The following ASIC2 variants were observed in gnomAD, a reference collection of about 807,000 sequenced individuals.
ASIC2 encodes acid-sensing ion channel 2.
In ASIC2, 25 loss-of-function variants were observed where a neutral mutation model predicts 57.3. That is an observed-to-expected ratio of 0.44 (90% CI 0.32 to 0.61). ASIC2 has a LOEUF of 0.61. Among genes scored for constraint, ASIC2 ranks in the 20% least tolerant of loss-of-function variants. The pLI, the probability that ASIC2 is intolerant of heterozygous loss-of-function variation, is 0.06. For synonymous variants in ASIC2, 319 were observed against 307.5 expected, an observed-to-expected ratio of 1.04 and a Z score of -0.39; for missense variants, 641 against 738.1, an observed-to-expected ratio of 0.87 and a Z score of 1.52.
At chr17:33,301,032 T>C (rs1905937175) in intron 1 of ASIC2, among the ~76,000 whole-genome samples, 1 of 90,516 alleles carries the variant, frequency 1.1e-5, no homozygotes, top group Admixed American at 1.1e-4. Context: ...ATTTATTTAT[T>C]TATTTTAGAA....
chr17:34,108,119 G>A (rs988446100), intron 1 of ASIC2, among the ~76,000 whole-genome samples: 5 of 151,474 alleles, frequency 3.3e-5, no homozygotes, highest in Admixed American at 6.6e-5. Context: ...AAATCATTTT[G>A]TATCAGTTCA....
At chr17:34,103,741 T>C (rs1217700861) in intron 1 of ASIC2, among the ~76,000 whole-genome samples, 2 of 152,318 alleles carry the variant, frequency 1.3e-5, no homozygotes, top group Non-Finnish European at 2.9e-5. Flanking sequence ...GACTTGCTGT[T>C]TTTGTCAAAA....
intron 2 of ASIC2, 133 bp downstream of exon 2, chr17:33,111,784 T>C: frequency 1.5e-6 from 2 of 1,296,754 alleles, no homozygotes; most frequent in Non-Finnish European, 2.1e-6. Flanking sequence ...CTTTATGATC[T>C]AGCAGCATGT....
intron 1 of ASIC2, among the ~76,000 whole-genome samples, chr17:34,023,993 T>G (rs1192608816): frequency 2.0e-5 from 3 of 152,214 alleles, no homozygotes; most frequent in Non-Finnish European, 4.4e-5. Flanking sequence ...ACTACTCTCA[T>G]TCCACAGATA....
intron 1 of ASIC2, chr17:33,291,178 G>A: frequency 2.3e-6 from 2 of 870,948 alleles, no homozygotes; most frequent in Non-Finnish European, 3.3e-6. Flanking sequence ...GAGGGGCTGG[G>A]ACAGGGGAGC....
chr17:33,730,880 C>T (rs2142090634), intron 1 of ASIC2, among the ~76,000 whole-genome samples: 1 of 152,302 alleles, frequency 6.6e-6, no homozygotes, highest in Admixed American at 6.5e-5. Flanking sequence ...CCCCCTGTTT[C>T]CTTTCAGAGA....
chr17:33,957,691 A>T (rs1189791098), intron 1 of ASIC2, among the ~76,000 whole-genome samples: 1 of 152,126 alleles, frequency 6.6e-6, no homozygotes, highest in East Asian at 1.9e-4. Flanking sequence ...GGGAGCTACA[A>T]TTCAAGATGA....
intron 1 of ASIC2, among the ~76,000 whole-genome samples, chr17:34,129,729 G>A (rs752086999): frequency 3.3e-5 from 5 of 152,186 alleles, no homozygotes; most frequent in Non-Finnish European, 7.3e-5. Flanking sequence ...TTTGTCTACA[G>A]AAGCCTTTTA....
At chr17:33,062,885 C>A (rs2092026777) in intron 3 of ASIC2, among the ~76,000 whole-genome samples, 1 of 152,180 alleles carries the variant, frequency 6.6e-6, no homozygotes, top group African/African-American at 2.4e-5. Flanking sequence ...GTTAACTCTT[C>A]TTGTTGAATT....
intron 1 of ASIC2, among the ~76,000 whole-genome samples, chr17:33,233,415 C>T (rs1056561262): frequency 5.3e-5 from 8 of 151,954 alleles, no homozygotes; most frequent in Non-Finnish European, 1.0e-4. Context: ...GTCACTCTCT[C>T]CTGAGTTGAA....
At chr17:33,356,704 C>T (rs1460906556) in intron 1 of ASIC2, among the ~76,000 whole-genome samples, 2 of 152,128 alleles carry the variant, frequency 1.3e-5, no homozygotes, top group East Asian at 1.9e-4. Flanking sequence ...CACCTGGCTG[C>T]ACAATTTGGA....
intron 3 of ASIC2, among the ~76,000 whole-genome samples, chr17:33,070,714 A>G (rs1216308169): frequency 1.3e-5 from 2 of 152,066 alleles, no homozygotes; most frequent in African/African-American, 4.8e-5. Context: ...GTGAACCCAT[A>G]TTTCCATCTG....
chr17:33,658,964 C>T (rs1180354498), intron 1 of ASIC2, among the ~76,000 whole-genome samples: 1 of 152,156 alleles, frequency 6.6e-6, no homozygotes, highest in African/African-American at 2.4e-5. Context: ...GATCGCGCCA[C>T]TGCACTCCAA....
intron 1 of ASIC2, among the ~76,000 whole-genome samples, chr17:33,398,243 C>T (rs758797903): frequency 7.0e-6 from 1 of 142,784 alleles, no homozygotes; most frequent in African/African-American, 2.7e-5. Context: ...ATTTTGTTCA[C>T]TGATGTATCT....
At chr17:34,034,401 T>C (rs181297320) in intron 1 of ASIC2, among the ~76,000 whole-genome samples, 233 of 152,246 alleles carry the variant, frequency 1.5e-3, no homozygotes, top group Non-Finnish European at 2.5e-3. Flanking sequence ...CCACAACCAA[T>C]ATCATACTGA....
At chr17:33,619,475 C>T (rs534156646) in intron 1 of ASIC2, among the ~76,000 whole-genome samples, 1 of 152,066 alleles carries the variant, frequency 6.6e-6, no homozygotes, top group South Asian at 2.1e-4. Context: ...GAAAAGGATT[C>T]AAGGGTAAGG....
intron 1 of ASIC2, among the ~76,000 whole-genome samples, chr17:33,458,145 G>T (rs17249409): frequency 0.011 from 1,706 of 152,274 alleles, 49 homozygotes; most frequent in South Asian, 0.093. Flanking sequence ...GTTCCAGACG[G>T]AGGAAACAGC....
chr17:33,211,784 A>G (rs958110401), intron 1 of ASIC2, among the ~76,000 whole-genome samples: 12 of 152,216 alleles, frequency 7.9e-5, no homozygotes, highest in African/African-American at 2.9e-4. Context: ...TGGCTCTTGC[A>G]TCCCGAAAGT....
intron 1 of ASIC2, among the ~76,000 whole-genome samples, chr17:33,409,852 G>A (rs943070543): frequency 2.0e-5 from 3 of 152,204 alleles, no homozygotes; most frequent in African/African-American, 7.2e-5. Context: ...GCCAAGTTTT[G>A]TTCTATTCTA....
Sources: allele counts gnomAD v4.1 joint callset (sites outside exome capture counted in the v4.1 genomes callset), GRCh38; gene constraint gnomAD v4.1.1; transcripts MANE v1.5; gene names NCBI Gene and HGNC (gene_info 2026-07-23, HGNC 2026-07-21).